Variants in CHRNA7 observed in about 807,000 individuals in gnomAD.
CHRNA7 encodes the protein cholinergic receptor nicotinic alpha 7 subunit.
In CHRNA7, 17 loss-of-function variants were observed where a neutral mutation model predicts 48.0. That is an observed-to-expected ratio of 0.35 (90% CI 0.24 to 0.53). The LOEUF is 0.53. Ranked by LOEUF, CHRNA7 falls within the 20% of genes least tolerant of loss-of-function variation. The pLI, the probability that CHRNA7 is intolerant of heterozygous loss-of-function variation, is 0.92. For synonymous variants in CHRNA7, 75 were observed against 242.3 expected, an observed-to-expected ratio of 0.31 and a Z score of 6.41; for missense variants, 155 against 577.7, an observed-to-expected ratio of 0.27 and a Z score of 7.50.
At chr15:32,096,838 C>T (rs2050477497) in intron 2 of CHRNA7, among the ~76,000 whole-genome samples, 1 of 152,206 alleles carries the variant, frequency 6.6e-6, no homozygotes, top group African/African-American at 2.4e-5. Context: ...TCAAAGCATG[C>T]TCTCAACTGA....
At position 32,127,695 on chromosome 15, in the gene CHRNA7, C is replaced by A. The variant is rs1595478081; in HGVS notation, c.350+15796C>A. Among the ~76,000 whole-genome samples the A allele has an allele frequency of 2.0e-5, 3 of 152,128 alleles. No individual in the cohort carries two copies. The East Asian group carries it at 5.8e-4, about 29-fold the overall frequency. Reference sequence around the variant, plus strand: ...TTTTTACTCTTGAGATTTAAGAGTTCTTTATGCTAGATATGCCTTTTGTCA... The same window carrying A: ...TTTTTACTCTTGAGATTTAAGAGTTATTTATGCTAGATATGCCTTTTGTCA... On this transcript the variant is annotated intron_variant, in intron 4 of 9. Coordinates refer to ENST00000306901, the MANE Select transcript of CHRNA7 (RefSeq NM_000746.6).
chr15:32,158,863 GCTCCATT>G (rs1365074362), intron 7 of CHRNA7: 4 of 307,684 alleles, frequency 1.3e-5, no homozygotes, highest in Non-Finnish European at 2.2e-5. Context: ...GAGGGGGCCA[GCTCCATT>G]CTGCCTTGAG....
At chr15:32,096,560 T>C (rs2050472166) in intron 2 of CHRNA7, among the ~76,000 whole-genome samples, 1 of 152,062 alleles carries the variant, frequency 6.6e-6, no homozygotes, top group South Asian at 2.1e-4. Flanking sequence ...CTATTTTCTC[T>C]GCAAACAAGA....
intron 2 of CHRNA7, among the ~76,000 whole-genome samples, chr15:32,057,688 T>C (rs1047286028): frequency 1.3e-5 from 2 of 152,236 alleles, no homozygotes; most frequent in Admixed American, 6.5e-5. Context: ...TCCTCAACTT[T>C]GTGACTGAAT....
intron 2 of CHRNA7, among the ~76,000 whole-genome samples, chr15:32,095,474 T>A (rs1367389368): frequency 6.6e-6 from 1 of 152,170 alleles, no homozygotes; most frequent in Non-Finnish European, 1.5e-5. Context: ...ATAAATAGCA[T>A]TTTATGGAAA....
At chr15:32,103,783 A>G (rs1287285854) in intron 3 of CHRNA7, among the ~76,000 whole-genome samples, 1 of 152,108 alleles carries the variant, frequency 6.6e-6, no homozygotes, top group East Asian at 1.9e-4. Context: ...TCTCCCACAG[A>G]CTTTTCATTT....
At chr15:32,050,563 G>C (rs1449570409) in intron 2 of CHRNA7, among the ~76,000 whole-genome samples, 1 of 152,088 alleles carries the variant, frequency 6.6e-6, no homozygotes, top group Non-Finnish European at 1.5e-5. Flanking sequence ...TTTTTTCAAA[G>C]TTTTCAACTT....
At chr15:32,036,265 C>T (rs976448328) in intron 2 of CHRNA7, among the ~76,000 whole-genome samples, 3 of 152,170 alleles carry the variant, frequency 2.0e-5, no homozygotes, top group Non-Finnish European at 2.9e-5. Context: ...CTTGATAGCT[C>T]ACTCCTTTTT....
chr15:32,069,976 C>T (rs924680062), intron 2 of CHRNA7, among the ~76,000 whole-genome samples: 11 of 152,018 alleles, frequency 7.2e-5, no homozygotes, highest in Admixed American at 4.6e-4. Context: ...ATTTTCCCCC[C>T]GCCCACTAGA....
At chr15:32,135,970 C>G (rs1159782348) in intron 4 of CHRNA7, among the ~76,000 whole-genome samples, 1 of 152,080 alleles carries the variant, frequency 6.6e-6, no homozygotes, top group African/African-American at 2.4e-5. Context: ...AGAGTTTTAT[C>G]CTGAGCTAAA....
At chr15:32,040,879 A>G (rs1595374774) in intron 2 of CHRNA7, among the ~76,000 whole-genome samples, 1 of 151,710 alleles carries the variant, frequency 6.6e-6, no homozygotes, top group African/African-American at 2.4e-5. Context: ...AAATTTCTTC[A>G]ATTTTTGCCT....
chr15:32,122,713 C>T (rs1003063246), intron 4 of CHRNA7, among the ~76,000 whole-genome samples: 1 of 151,882 alleles, frequency 6.6e-6, no homozygotes, highest in Non-Finnish European at 1.5e-5. Context: ...ACTTATTGAG[C>T]AATACATCTT....
At chr15:32,031,173 T>C in intron 2 of CHRNA7, 136 bp downstream of exon 2, 2 of 1,005,796 alleles carry the variant, frequency 2.0e-6, no homozygotes, top group Non-Finnish European at 1.5e-6. Context: ...AGGGCCATGC[T>C]CTGAGTCTGT....
chr15:32,104,645 A>G (rs377015623), intron 3 of CHRNA7, among the ~76,000 whole-genome samples: 32 of 152,228 alleles, frequency 2.1e-4, no homozygotes, highest in African/African-American at 6.5e-4. Context: ...TCTCACCTGT[A>G]GCGGGCACCA....
chr15:32,033,738 G>A (rs1175843028), intron 2 of CHRNA7, among the ~76,000 whole-genome samples: 2 of 152,198 alleles, frequency 1.3e-5, no homozygotes, highest in African/African-American at 4.8e-5. Flanking sequence ...GGCTTCGTGT[G>A]GCAAAATCTT....
At chr15:32,033,301 T>C (rs529607151) in intron 2 of CHRNA7, among the ~76,000 whole-genome samples, 5 of 152,336 alleles carry the variant, frequency 3.3e-5, no homozygotes. Context: ...GAGAAAGTGC[T>C]TGCCCACACT....
intron 4 of CHRNA7, among the ~76,000 whole-genome samples, chr15:32,131,608 A>C (rs2051158461): frequency 6.6e-6 from 1 of 152,224 alleles, no homozygotes. Flanking sequence ...TGCCTACCAA[A>C]GCATTATTAT....
chr15:32,147,589 A>G (rs2051519101), intron 4 of CHRNA7, among the ~76,000 whole-genome samples: 1 of 152,064 alleles, frequency 6.6e-6, no homozygotes, highest in African/African-American at 2.4e-5. Flanking sequence ...AAATAAGTAA[A>G]TATTTTCTTT....
intron 4 of CHRNA7, among the ~76,000 whole-genome samples, chr15:32,116,840 A>C (rs966884159): frequency 6.6e-6 from 1 of 152,222 alleles, no homozygotes; most frequent in African/African-American, 2.4e-5. Flanking sequence ...TTAGAACAGC[A>C]TGGGGTTTCA....
Sources: gnomAD v4.1 joint callset for allele counts (sites outside exome capture counted in the v4.1 genomes callset) on GRCh38, gnomAD v4.1.1 for gene constraint, MANE v1.5 for transcripts, NCBI Gene and HGNC (gene_info 2026-07-23, HGNC 2026-07-21) for gene names.